SGCZ: variants seen among roughly 807,000 people sequenced by gnomAD.
The protein encoded by SGCZ is sarcoglycan zeta.
SGCZ carries 40 observed loss-of-function variants against 41.3 expected under a neutral mutation model. That is an observed-to-expected ratio of 0.97 (90% CI 0.75 to 1.26). SGCZ has a LOEUF of 1.26. SGCZ is among the 50% of genes most tolerant of loss of function. The probability of loss-of-function intolerance (pLI) is 0.00; values close to 1 mark genes in which losing one functional copy is unlikely to be tolerated. For synonymous variants in SGCZ, 206 were observed against 137.5 expected (o/e 1.50, Z -3.49); for missense variants, 552 against 369.8 (o/e 1.49, Z -4.04).
At chr8:14,880,918 A>G (rs1020118913) in intron 1 of SGCZ, among the ~76,000 whole-genome samples, 4 of 152,086 alleles carry the variant, frequency 2.6e-5, no homozygotes, top group African/African-American at 4.8e-5. Flanking sequence ...ACAAACCTGC[A>G]TGTTGTGCAC....
intron 1 of SGCZ, among the ~76,000 whole-genome samples, chr8:14,656,608 TCTC>T (rs1807586191): frequency 2.1e-5 from 2 of 95,540 alleles, no homozygotes; most frequent in African/African-American, 6.7e-5. Flanking sequence ...CTCCTCTCCC[TCTC>T]CTCTCTCTCT....
At chr8:14,092,831 T>A (rs1801729832) in intron 7 of SGCZ, among the ~76,000 whole-genome samples, 1 of 151,996 alleles carries the variant, frequency 6.6e-6, no homozygotes, top group African/African-American at 2.4e-5. Flanking sequence ...GTCGGCAATG[T>A]AAAAATGAAC....
At chr8:14,915,968 C>G (rs1005682757) in intron 1 of SGCZ, among the ~76,000 whole-genome samples, 4 of 152,090 alleles carry the variant, frequency 2.6e-5, no homozygotes, top group Admixed American at 2.6e-4. Flanking sequence ...TGTGTTCCAG[C>G]AGACTGTTAA....
intron 1 of SGCZ, among the ~76,000 whole-genome samples, chr8:14,618,225 A>C (rs950779048): frequency 2.6e-5 from 4 of 152,216 alleles, no homozygotes; most frequent in African/African-American, 9.6e-5. Flanking sequence ...CATAATTAAA[A>C]GGTAAATGAT....
chr8:14,712,790 T>A lies in SGCZ; in HGVS notation c.40-157864A>T, dbSNP rs147234908. ...CTCTTCCTGTAAACTCTAGTAACCC[T>A]GTTTAAATATGTCCTTATTTTTTCT... On this transcript the variant is annotated intron_variant, in intron 1 of 7. Transcript: ENST00000382080. 1.8e-3 allele frequency among the ~76,000 whole-genome samples: 270 copies of A among 152,326 alleles called. 2 individuals carry two copies. In the East Asian group the frequency reaches 0.02, roughly 12 times the overall value.
chr8:14,260,960 G>A (rs1394607461), intron 3 of SGCZ, among the ~76,000 whole-genome samples: 2 of 152,240 alleles, frequency 1.3e-5, no homozygotes, highest in South Asian at 2.1e-4. Flanking sequence ...GGTGTGGGGA[G>A]TGGGGAGGGA....
intron 5 of SGCZ, among the ~76,000 whole-genome samples, chr8:14,139,605 C>T (rs1803304829): frequency 6.6e-6 from 1 of 152,098 alleles, no homozygotes; most frequent in Non-Finnish European, 1.5e-5. Context: ...ATGATGAATT[C>T]CTGGACACAT....
chr8:14,780,612 T>C (rs533999526), intron 1 of SGCZ, among the ~76,000 whole-genome samples: 2 of 152,164 alleles, frequency 1.3e-5, no homozygotes, highest in East Asian at 1.9e-4. Context: ...GAATAAAGTG[T>C]ATGGGATTCC....
chr8:15,034,785 GAC>G (rs1175188175), intron 1 of SGCZ, among the ~76,000 whole-genome samples: 4 of 111,948 alleles, frequency 3.6e-5, no homozygotes, highest in East Asian at 5.2e-4. Flanking sequence ...TAACTTTACA[GAC>G]AAGAGAGAGT....
In SGCZ at chr8:14,115,263, C is replaced by G. The variant is rs368840136; in HGVS notation, c.548-7028G>C. 4.3e-4 allele frequency among the ~76,000 whole-genome samples: 66 copies of G among 152,028 alleles called. No homozygotes were observed. The East Asian group carries it at 5.6e-3, about 13-fold the overall frequency. On this transcript the variant is annotated intron_variant, in intron 5 of 7. Transcript: ENST00000382080. ...AGAATCCTGAGTGAGAAAGCATAAT[C>G]AAGAATGCCCCTTTAGCAAACATAA...
chr8:14,172,925 G>C (rs960724229), intron 4 of SGCZ, among the ~76,000 whole-genome samples: 4 of 152,098 alleles, frequency 2.6e-5, no homozygotes, highest in African/African-American at 4.8e-5. Context: ...AAGACTACTA[G>C]GGAATGTGTG....
intron 3 of SGCZ, among the ~76,000 whole-genome samples, chr8:14,285,896 A>G (rs1800605788): frequency 6.6e-6 from 1 of 152,118 alleles, no homozygotes; most frequent in African/African-American, 2.4e-5. Context: ...ATTTTATGTA[A>G]AAAAGGAGAC....
At chr8:15,102,831 A>T (rs1806666322) in intron 1 of SGCZ, among the ~76,000 whole-genome samples, 1 of 152,156 alleles carries the variant, frequency 6.6e-6, no homozygotes. Context: ...TTTCTAATGA[A>T]TCTTATCATC....
At chr8:15,076,599 G>T (rs934860714) in intron 1 of SGCZ, among the ~76,000 whole-genome samples, 3 of 151,944 alleles carry the variant, frequency 2.0e-5, no homozygotes, top group African/African-American at 7.3e-5. Flanking sequence ...CGGACTCTAG[G>T]ATTTGGCTGC....
intron 3 of SGCZ, among the ~76,000 whole-genome samples, chr8:14,257,845 G>A (rs1799518281): frequency 6.6e-6 from 1 of 152,016 alleles, no homozygotes; most frequent in South Asian, 2.1e-4. Flanking sequence ...GGCAATTTGT[G>A]TTAAGAAGAG....
At chr8:15,055,273 T>C (rs1804663938) in intron 1 of SGCZ, among the ~76,000 whole-genome samples, 2 of 152,194 alleles carry the variant, frequency 1.3e-5, no homozygotes. Context: ...CCATAGATAT[T>C]ATGCTCAAAA....
At chr8:14,522,659 T>C (rs1014477091) in intron 2 of SGCZ, among the ~76,000 whole-genome samples, 5 of 151,752 alleles carry the variant, frequency 3.3e-5, no homozygotes, top group Non-Finnish European at 7.4e-5. Context: ...GTCATTTTTT[T>C]TAAAAAATAC....
chr8:14,756,091 T>C lies in SGCZ; in HGVS notation c.40-201165A>G, dbSNP rs767134739. ...GGTCAGATTTCAGCAGCTATTTAAA[T>C]GGTGGAAGCCAACAATATTGTAGAG... On this transcript the variant is annotated intron_variant, in intron 1 of 7. Transcript: ENST00000382080. 4.3e-4 allele frequency among the ~76,000 whole-genome samples: 65 copies of C among 152,076 alleles called. 1 individual carries two copies. Among genetic ancestry groups the C allele is most frequent in the African/African-American group, 8.0e-4 (33 of 41,496 alleles).
Position 15,066,200 on chromosome 8 carries a change from G to C in SGCZ, c.39+171385C>G, listed in dbSNP as rs570810566. ...GCGGGCGCCTGTAGTCCCAGCTACT[G>C]GGGAGGCTGAGGCAGGAGAATGGCG... On this transcript the variant is annotated intron_variant, in intron 1 of 7. Transcript: ENST00000382080. Among the ~76,000 whole-genome samples, 1,171 of 151,748 alleles carry C rather than the reference G, an allele frequency of 7.7e-3. 10 individuals carry two copies. Among genetic ancestry groups the C allele is most frequent in the African/African-American group, 0.026 (1,071 of 41,390 alleles).
Sources: gnomAD v4.1 joint callset for allele counts (sites outside exome capture counted in the v4.1 genomes callset) on GRCh38, gnomAD v4.1.1 for gene constraint, MANE v1.5 for transcripts, NCBI Gene and HGNC (gene_info 2026-07-23, HGNC 2026-07-21) for gene names.